Variants in MAML3 observed in about 807,000 individuals in gnomAD.
MAML3 encodes the protein mastermind-like protein 3.
MAML3 carries 27 observed loss-of-function variants against 101.9 expected under a neutral mutation model. The observed-to-expected ratio is 0.27, with a 90% CI of 0.20 to 0.37. MAML3 has a LOEUF of 0.37. MAML3 is among the 10% of genes least tolerant of loss of function. MAML3 has a pLI of 1.00. For synonymous variants in MAML3, 501 were observed against 555.9 expected, an observed-to-expected ratio of 0.90 and a Z score of 1.39; for missense variants, 1,316 against 1,444.9, an observed-to-expected ratio of 0.91 and a Z score of 1.45.
rs569883073 is a variant in MAML3, at chr4:140,128,670, G to A, written c.468+24190C>T. On this transcript the variant is annotated intron_variant, in intron 1 of 4. Coordinates refer to ENST00000509479, the MANE Select transcript of MAML3 (RefSeq NM_018717.5). ...GCAGCTGCAGTGGTCCTCTAGATGTGTGCTCAAGCCCAGAGAAGACTTTGA... is the reference window on the plus strand; with the variant it reads ...GCAGCTGCAGTGGTCCTCTAGATGTATGCTCAAGCCCAGAGAAGACTTTGA... Among the ~76,000 whole-genome samples, 24 of 152,324 alleles carry A rather than the reference G, an allele frequency of 1.6e-4. No homozygotes were observed. The East Asian group carries it at 4.6e-3, about 29-fold the overall frequency.
chr4:140,024,337 C>T (rs1290210309), intron 1 of MAML3, among the ~76,000 whole-genome samples: 1 of 152,060 alleles, frequency 6.6e-6, no homozygotes, highest in Admixed American at 6.6e-5. Flanking sequence ...AAATGATCTC[C>T]CTGTCTCAGC....
intron 1 of MAML3, among the ~76,000 whole-genome samples, chr4:140,061,238 C>T (rs778642853): frequency 6.6e-6 from 1 of 152,158 alleles, no homozygotes; most frequent in Non-Finnish European, 1.5e-5. Flanking sequence ...TTACAGGAAT[C>T]GGACTCAAAA....
intron 2 of MAML3, among the ~76,000 whole-genome samples, chr4:139,863,832 G>GTTTTTTTTTTTTTTTTTTTT (rs58270046): frequency 6.3e-5 from 7 of 111,254 alleles, no homozygotes; most frequent in Non-Finnish European, 1.1e-4. Context: ...CAGAACATGG[G>GTTTTTTTTTTTTTTTTTTTT]TTTTTTTTTT....
At chr4:140,108,417 G>C (rs1371704281) in intron 1 of MAML3, among the ~76,000 whole-genome samples, 1 of 151,708 alleles carries the variant, frequency 6.6e-6, no homozygotes, top group Non-Finnish European at 1.5e-5. Flanking sequence ...GGCAAGGCTG[G>C]TCTGTACATT....
In MAML3 at chr4:139,764,334, T is replaced by C. The variant is rs114377258; in HGVS notation, c.2080-33667A>G. Among the ~76,000 whole-genome samples, 565 of 152,316 alleles carry C rather than the reference T, an allele frequency of 3.7e-3. 5 individuals carry two copies. The highest frequency in any genetic ancestry group is 0.013 in the African/African-American group (542 of 41,560). On this transcript the variant is annotated intron_variant, in intron 2 of 4. Transcript: ENST00000509479. ...ACCAATGCCCGGCTGGAAAGGTCCC[T>C]ACTTACTCCTGTGCACATGCCTGGC...
chr4:140,040,312 A>G (rs1032940965), intron 1 of MAML3, among the ~76,000 whole-genome samples: 8 of 152,198 alleles, frequency 5.3e-5, no homozygotes, highest in African/African-American at 1.9e-4. Flanking sequence ...AAAGAAATAT[A>G]CCGTGAACTC....
At chr4:140,083,537 G>T (rs548342172) in intron 1 of MAML3, among the ~76,000 whole-genome samples, 1 of 152,272 alleles carries the variant, frequency 6.6e-6, no homozygotes, top group East Asian at 1.9e-4. Flanking sequence ...AATGCTATTT[G>T]GGCTTCTCAG....
intron 1 of MAML3, among the ~76,000 whole-genome samples, chr4:139,932,350 A>G (rs993351522): frequency 6.6e-6 from 1 of 152,198 alleles, no homozygotes; most frequent in African/African-American, 2.4e-5. Context: ...ATACTTTCAA[A>G]GAAACTAAGT....
chr4:139,769,407 T>C (rs1729928841), intron 2 of MAML3, among the ~76,000 whole-genome samples: 1 of 152,188 alleles, frequency 6.6e-6, no homozygotes, highest in South Asian at 2.1e-4. Context: ...TTTTGTTCTA[T>C]AATCCACAAG....
intron 1 of MAML3, among the ~76,000 whole-genome samples, chr4:140,018,943 T>TCAA (rs10641969): frequency 0.27 from 40,930 of 151,846 alleles, 6,637 homozygotes; most frequent in Non-Finnish European, 0.37. Flanking sequence ...TACTTAAAAA[T>TCAA]AAATGAAGTC....
chr4:139,889,611 T>C lies in MAML3; in HGVS notation c.1825A>G (p.Asn609Asp), dbSNP rs1732421892. The C allele has an allele frequency of 1.2e-6, 2 of 1,613,906 alleles. No individual in the cohort carries two copies. Among genetic ancestry groups the C allele is most frequent in the Non-Finnish European group, 1.7e-6 (2 of 1,179,868 alleles). The change falls in exon 2 of 5, where the codon AAT becomes GAT. Residue 609 changes from asparagine (N) to aspartate (D), a missense_variant. Coordinates refer to ENST00000509479, the MANE Select transcript of MAML3 (RefSeq NM_018717.5). ...GTCATCCTCTGACTCAGGTCTGCAT[T>C]GAAGTGGGTCAGGGGTTTAGTGTTG... ...YGNTKPLTHF[N>D]ADLSQRMTPP...
chr4:140,104,408 A>ATAATATATATATATTATATATT (rs368174569), intron 1 of MAML3, among the ~76,000 whole-genome samples: 1 of 54,986 alleles, frequency 1.8e-5, no homozygotes, highest in Non-Finnish European at 3.2e-5. Context: ...TATAATATAT[A>ATAATATATATATATTATATATT]ATATAATATA....
intron 2 of MAML3, among the ~76,000 whole-genome samples, chr4:139,860,972 G>T (rs1193007874): frequency 6.6e-6 from 1 of 151,796 alleles, no homozygotes; most frequent in Non-Finnish European, 1.5e-5. Context: ...TTAAACTCAG[G>T]CAGTTTTATA....
At chr4:140,109,149 G>T (rs1297098992) in intron 1 of MAML3, among the ~76,000 whole-genome samples, 1 of 152,054 alleles carries the variant, frequency 6.6e-6, no homozygotes, top group Non-Finnish European at 1.5e-5. Context: ...AAAGAGAAGA[G>T]ACTAAGAAAA....
intron 1 of MAML3, among the ~76,000 whole-genome samples, chr4:140,025,451 A>G (rs1339824456): frequency 1.3e-5 from 2 of 152,194 alleles, no homozygotes; most frequent in Non-Finnish European, 2.9e-5. Context: ...AATTTTCATG[A>G]TAGAGTATCT....
At chr4:140,007,736 C>T (rs758296768) in intron 1 of MAML3, among the ~76,000 whole-genome samples, 4 of 152,126 alleles carry the variant, frequency 2.6e-5, no homozygotes, top group East Asian at 1.9e-4. Flanking sequence ...GCAGGGAAAG[C>T]GACCAGCCTT....
At position 139,760,391 on chromosome 4, in the gene MAML3, T is replaced by C. The variant is rs1433856382; in HGVS notation, c.2080-29724A>G. Among the ~76,000 whole-genome samples, 3 of 152,162 alleles carry C rather than the reference T, an allele frequency of 2.0e-5. No individual in the cohort carries two copies. The South Asian group carries it at 6.2e-4, about 32-fold the overall frequency. ...AGTGGGATAGATAGAATGTGGGCTT[T>C]GGAATCAGTCTGCTGGGCTGTAATC... On this transcript the variant is annotated intron_variant, in intron 2 of 4. Transcript: ENST00000509479.
Position 139,730,667 on chromosome 4 carries a change from C to T in MAML3, c.2080G>A (p.Glu694Lys). The T allele has an allele frequency of 6.2e-6, 10 of 1,610,720 alleles. 1 individual carries two copies. Among genetic ancestry groups the T allele is most frequent in the Non-Finnish European group, 8.5e-6 (10 of 1,178,032 alleles). Residue 694 changes from glutamate to lysine, a missense_variant and splice_region_variant, in exon 3 of 5, where the codon GAG (glutamate) becomes AAG (lysine). Physicochemically the swap from Glu to Lys is moderately conservative, Grantham distance 56. Transcript: ENST00000509479. ...AYAALPSHGQ[E>K]QHPVGLPRTT... ...CGGGGAAGTCCAACTGGATGCTGCTCCTGGGAAGACAAGAGAGAGGGAGAT... is the reference window on the plus strand; with the variant it reads ...CGGGGAAGTCCAACTGGATGCTGCTTCTGGGAAGACAAGAGAGAGGGAGAT...
At chr4:139,906,369 A>C (rs1361936995) in intron 1 of MAML3, among the ~76,000 whole-genome samples, 1 of 152,222 alleles carries the variant, frequency 6.6e-6, no homozygotes, top group African/African-American at 2.4e-5. Context: ...AAAACCTCAG[A>C]GGAGGCAAAA....
Sources: allele counts gnomAD v4.1 joint callset (sites outside exome capture counted in the v4.1 genomes callset), GRCh38; gene constraint gnomAD v4.1.1; transcripts MANE v1.5; gene names NCBI Gene and HGNC (gene_info 2026-07-23, HGNC 2026-07-21).